Variants in MLIP observed in about 807,000 individuals in gnomAD.
The protein encoded by MLIP is muscular LMNA interacting protein.
MLIP carries 79 observed loss-of-function variants against 84.8 expected under a neutral mutation model. That is an observed-to-expected ratio of 0.93 (90% CI 0.78 to 1.12). The LOEUF (loss-of-function observed/expected upper bound fraction) is 1.12. MLIP is among the 50% of genes most tolerant of loss of function. The probability of loss-of-function intolerance (pLI) is 0.00; values close to 1 mark genes in which losing one functional copy is unlikely to be tolerated. For missense variants in MLIP, 1,257 were observed against 1,160.6 expected, an observed-to-expected ratio of 1.08 and a Z score of -1.21; for synonymous variants, 504 against 463.0, an observed-to-expected ratio of 1.09 and a Z score of -1.14.
At position 54,077,224 on chromosome 6, in the gene MLIP, G is replaced by A. The variant is rs9474726; in HGVS notation, c.64-44223G>A. On this transcript the variant is annotated intron_variant, in intron 1 of 12. Transcript: ENST00000274897. ...TCAGTCCCCTTGACTGTTGGTAAAT[G>A]TCTATTTAAAGCAAAGTTGACAAAT... is the stretch of plus-strand genomic sequence containing the variant. Among the ~76,000 whole-genome samples the A allele has an allele frequency of 2.0e-3, 308 of 152,214 alleles. 1 individual carries two copies. The highest frequency in any genetic ancestry group is 7.1e-3 in the African/African-American group (295 of 41,522).
At chr6:54,217,147 TA>T in intron 11 of MLIP, 3 of 985,390 alleles carry the variant, frequency 3.0e-6, no homozygotes, top group Non-Finnish European at 3.6e-6. Context: ...TTACCTATGG[TA>T]CTCTGAGTTC....
intron 4 of MLIP, among the ~76,000 whole-genome samples, chr6:54,142,942 C>G (rs536306453): frequency 6.6e-6 from 1 of 152,076 alleles, no homozygotes; most frequent in African/African-American, 2.4e-5. Flanking sequence ...TGAAACTAGC[C>G]TTATGTGCTT....
At chr6:54,179,547 T>C (rs1206329642) in intron 9 of MLIP, among the ~76,000 whole-genome samples, 1 of 152,164 alleles carries the variant, frequency 6.6e-6, no homozygotes, top group Non-Finnish European at 1.5e-5. Context: ...ATTTTTTGCT[T>C]TTTTATTTTT....
intron 2 of MLIP, among the ~76,000 whole-genome samples, chr6:54,123,300 G>C (rs1377771810): frequency 3.3e-5 from 5 of 151,994 alleles, no homozygotes; most frequent in African/African-American, 1.2e-4. Context: ...GATTCCAACT[G>C]AATAAAGACA....
chr6:54,202,294 A>T lies in MLIP; in HGVS notation c.2718+61A>T, dbSNP rs1291441953. The T allele has an allele frequency of 2.4e-5, 18 of 737,628 alleles. No homozygotes were observed. In the East Asian group the frequency reaches 5.9e-4, roughly 24 times the overall value. 45.7% of individuals were successfully genotyped at this position (737,628 alleles called of 1,614,324 possible). On this transcript the variant is annotated intron_variant, in intron 11 of 13. Coordinates refer to ENST00000502396, the MANE Select transcript of MLIP (RefSeq NM_001281747.2). ...ATAAATATAAATATATATAAAATAT[A>T]TATAAATATATAAATATATTTTGAT...
chr6:54,124,625 C>A lies in MLIP; in HGVS notation c.405C>A (p.Leu135=), dbSNP rs1309906517. The A allele has an allele frequency of 5.6e-6, 9 of 1,614,168 alleles. No homozygotes were observed. The East Asian group carries it at 8.9e-5, about 16-fold the overall frequency. The change falls in exon 3 of 14, where the codon CTC becomes CTA. Residue 135 remains leucine, a synonymous_variant. Coordinates refer to ENST00000502396, the MANE Select transcript of MLIP (RefSeq NM_001281747.2). ...NKLQGMQQSD[L]FKAEYVLIVD... ...TTCAAGGGATGCAGCAAAGTGACCT[C>A]TTCAAAGCTGAATATGTCCTTATTG...
intron 9 of MLIP, among the ~76,000 whole-genome samples, chr6:54,188,638 T>C (rs11969128): frequency 0.06 from 9,121 of 152,168 alleles, 395 homozygotes; most frequent in Non-Finnish European, 0.086. Context: ...AACTGAAACA[T>C]CATTGTGTGG....
chr6:54,141,385 C>T (rs1772291415), intron 4 of MLIP, among the ~76,000 whole-genome samples: 2 of 145,002 alleles, frequency 1.4e-5, no homozygotes, highest in South Asian at 4.3e-4. Context: ...TGGCTCACTG[C>T]AACCTCTGCC....
Position 54,138,030 on chromosome 6 carries a change from T to C in MLIP, c.1961T>C (p.Leu654Pro), listed in dbSNP as rs1347827609. 6.5e-7 allele frequency: 1 copy of C among 1,536,014 alleles called. No individual in the cohort carries two copies. The highest frequency in any genetic ancestry group is 1.4e-5 in the African/African-American group (1 of 73,040). ...GTCTCCAGTGCTGACTTTGCCTCTC[T>C]TCCCAACTTGAGGTCCTCCTCTCTC... ...LPVSSADFAS[L>P]PNLRSSSLPH... Residue 654 changes from leucine (L) to proline (P), a missense_variant, in exon 4 of 14, where the codon CTT becomes CCT. Leu to Pro is a moderately conservative substitution (Grantham distance 98). Transcript: ENST00000502396.
intron 9 of MLIP, among the ~76,000 whole-genome samples, chr6:54,172,408 C>G (rs569081701): frequency 4.6e-5 from 7 of 151,572 alleles, no homozygotes; most frequent in Non-Finnish European, 1.0e-4. Flanking sequence ...TGAGGAGTCA[C>G]TGGGGTGCGA....
At chr6:54,139,116 T>C (rs1377843747) in intron 4 of MLIP, among the ~76,000 whole-genome samples, 7 of 152,220 alleles carry the variant, frequency 4.6e-5, no homozygotes, top group South Asian at 2.1e-4. Context: ...TGTACCACTA[T>C]ACTAGCTTTC....
chr6:54,215,264 A>G (rs1405088889), intron 11 of MLIP: 4 of 1,491,252 alleles, frequency 2.7e-6, no homozygotes, highest in South Asian at 1.3e-5. Context: ...TACTTCCTGA[A>G]AAAGAGAAAA....
At chr6:54,144,382 A>C (rs1772598175) in intron 4 of MLIP, among the ~76,000 whole-genome samples, 1 of 152,136 alleles carries the variant, frequency 6.6e-6, no homozygotes, top group Non-Finnish European at 1.5e-5. Context: ...ATATAACCCA[A>C]GTTTCTTGCA....
intron 11 of MLIP, among the ~76,000 whole-genome samples, chr6:54,219,370 CTTTTTTTT>C (rs5876371): frequency 1.3e-5 from 1 of 77,510 alleles, no homozygotes; most frequent in Admixed American, 1.4e-4. Flanking sequence ...ACATTTTAAA[CTTTTTTTT>C]TTTTTTTTTT....
At chr6:54,263,229 C>T (rs573409985) in intron 13 of MLIP, among the ~76,000 whole-genome samples, 3 of 152,124 alleles carry the variant, frequency 2.0e-5, no homozygotes, top group South Asian at 4.1e-4. Context: ...ATTCAGATGT[C>T]ACATGGTTTT....
intron 1 of MLIP, among the ~76,000 whole-genome samples, chr6:54,055,353 A>G (rs1435944432): frequency 6.6e-6 from 1 of 152,198 alleles, no homozygotes; most frequent in African/African-American, 2.4e-5. Context: ...ATGTTTTCAT[A>G]ATGTGGTTTT....
intron 1 of MLIP, among the ~76,000 whole-genome samples, chr6:54,027,524 G>C (rs7757485): frequency 0.029 from 4,378 of 152,118 alleles, 97 homozygotes; most frequent in Non-Finnish European, 0.047. Flanking sequence ...ACCTGACACA[G>C]ATATCTTAGT....
intron 12 of MLIP, among the ~76,000 whole-genome samples, chr6:54,241,909 C>T (rs1286137198): frequency 6.6e-6 from 1 of 152,150 alleles, no homozygotes; most frequent in Non-Finnish European, 1.5e-5. Context: ...TAAAGAATCA[C>T]TCCACTTATA....
intron 12 of MLIP, among the ~76,000 whole-genome samples, chr6:54,232,117 T>C (rs1466111438): frequency 1.3e-5 from 2 of 152,108 alleles, no homozygotes; most frequent in South Asian, 2.1e-4. Context: ...AAATATAATA[T>C]TTTAAAAATT....
Sources: allele counts gnomAD v4.1 joint callset (sites outside exome capture counted in the v4.1 genomes callset), GRCh38; gene constraint gnomAD v4.1.1; transcripts MANE v1.5; gene names NCBI Gene and HGNC (gene_info 2026-07-23, HGNC 2026-07-21).